The following STAU2 variants were observed in gnomAD, a reference collection of about 807,000 sequenced individuals.
STAU2 encodes double-stranded RNA-binding protein Staufen homolog 2.
In STAU2, 20 loss-of-function variants were observed where a neutral mutation model predicts 65.9. That is an observed-to-expected ratio of 0.30 (90% CI 0.21 to 0.44). The LOEUF (loss-of-function observed/expected upper bound fraction) is 0.44, where lower values mean the gene tolerates loss of function less well. Among genes scored for constraint, STAU2 ranks in the 20% least tolerant of loss-of-function variants. The pLI is 1.00. For missense variants in STAU2, 558 were observed against 683.9 expected (o/e 0.82, Z 2.05); for synonymous variants, 232 against 233.9 (o/e 0.99, Z 0.07).
At chr8:73,734,899 G>A (rs947909308) in intron 3 of STAU2, among the ~76,000 whole-genome samples, 15 of 152,022 alleles carry the variant, frequency 9.9e-5, no homozygotes, top group South Asian at 2.1e-4. Context: ...TGAAAATCAC[G>A]TAGTAAAAAT....
intron 12 of STAU2, among the ~76,000 whole-genome samples, chr8:73,565,822 T>C (rs930548466): frequency 7.9e-5 from 12 of 152,242 alleles, no homozygotes; most frequent in Non-Finnish European, 1.5e-4. Flanking sequence ...ACCACAAATA[T>C]GTTGTGAGAA....
intron 12 of STAU2, among the ~76,000 whole-genome samples, chr8:73,577,181 C>A (rs1809623986): frequency 1.3e-5 from 2 of 152,112 alleles, no homozygotes. Flanking sequence ...GTAATCCCAG[C>A]ACTTTGGGAG....
At chr8:73,503,707 A>G (rs2128921077) in intron 13 of STAU2, among the ~76,000 whole-genome samples, 1 of 152,244 alleles carries the variant, frequency 6.6e-6, no homozygotes, top group Middle Eastern at 3.4e-3. Flanking sequence ...AGAATATTAA[A>G]TAATTAAACA....
At chr8:73,554,874 T>C (rs942018002) in intron 12 of STAU2, among the ~76,000 whole-genome samples, 25 of 152,200 alleles carry the variant, frequency 1.6e-4, no homozygotes, top group African/African-American at 5.5e-4. Flanking sequence ...AAATATTTCA[T>C]GAAGATCCCA....
intron 13 of STAU2, among the ~76,000 whole-genome samples, chr8:73,451,868 G>A (rs1818818858): frequency 6.6e-6 from 1 of 152,164 alleles, no homozygotes; most frequent in Non-Finnish European, 1.5e-5. Context: ...TATTTCAAAG[G>A]GACACAAAAA....
In STAU2 at chr8:73,722,053, ACT is replaced by A. The variant is rs542157724; in HGVS notation, c.-17-12893_-17-12892del. On this transcript the variant is annotated intron_variant, in intron 3 of 14. Transcript: ENST00000524300. ...CCTTTTTATTGGCTTATTAGTTGTA[ACT>A]CTCTATTTTGCTATTTTAGGGGCTA... is the stretch of plus-strand genomic sequence containing the variant. Among the ~76,000 whole-genome samples, 142 of 152,006 alleles carry A rather than the reference ACT, an allele frequency of 9.3e-4. 1 individual carries two copies. Among genetic ancestry groups the A allele is most frequent in the Non-Finnish European group, 1.8e-3 (120 of 67,956 alleles).
At chr8:73,432,902 G>C (rs1484802488) in intron 13 of STAU2, among the ~76,000 whole-genome samples, 1 of 152,188 alleles carries the variant, frequency 6.6e-6, no homozygotes, top group Non-Finnish European at 1.5e-5. Context: ...ATTTTAGACA[G>C]TTGCCTAAGA....
At chr8:73,638,066 A>AATACAT (rs1429446124) in intron 6 of STAU2, among the ~76,000 whole-genome samples, 2 of 152,132 alleles carry the variant, frequency 1.3e-5, no homozygotes, top group Non-Finnish European at 2.9e-5. Flanking sequence ...TCTTAAAGTA[A>AATACAT]ATACATATAC....
chr8:73,543,144 C>T (rs1806659900), intron 13 of STAU2, among the ~76,000 whole-genome samples: 1 of 152,116 alleles, frequency 6.6e-6, no homozygotes, highest in Non-Finnish European at 1.5e-5. Context: ...TCAAAATATA[C>T]TGAGTGAAAG....
chr8:73,639,418 C>A (rs28588475), intron 6 of STAU2, among the ~76,000 whole-genome samples: 1 of 151,676 alleles, frequency 6.6e-6, no homozygotes, highest in African/African-American at 2.4e-5. Flanking sequence ...ATTACCAAAA[C>A]ATCTGGGAGA....
intron 3 of STAU2, among the ~76,000 whole-genome samples, chr8:73,718,546 T>G (rs538905575): frequency 6.6e-6 from 1 of 152,326 alleles, no homozygotes; most frequent in East Asian, 1.9e-4. Flanking sequence ...ACATGTGCAC[T>G]GGGTGATTCA....
chr8:73,538,487 T>G (rs1231004753), intron 13 of STAU2, among the ~76,000 whole-genome samples: 1 of 151,952 alleles, frequency 6.6e-6, no homozygotes, highest in Non-Finnish European at 1.5e-5. Context: ...AAGAAGGGAA[T>G]CTGTGGGGAC....
intron 12 of STAU2, among the ~76,000 whole-genome samples, chr8:73,582,102 T>C (rs895535097): frequency 5.9e-5 from 9 of 152,144 alleles, no homozygotes; most frequent in Non-Finnish European, 1.3e-4. Flanking sequence ...TGTCTAAACG[T>C]CCAATGTAAA....
chr8:73,535,326 C>A (rs978043907), intron 13 of STAU2, among the ~76,000 whole-genome samples: 11 of 152,126 alleles, frequency 7.2e-5, no homozygotes, highest in South Asian at 2.1e-4. Flanking sequence ...CCCACCACCA[C>A]GCCTGGCTAA....
intron 9 of STAU2, among the ~76,000 whole-genome samples, chr8:73,611,016 A>G (rs1554549795): frequency 1.3e-5 from 2 of 152,222 alleles, no homozygotes; most frequent in Non-Finnish European, 2.9e-5. Context: ...TGATTAAGTG[A>G]TCAAATGAGA....
intron 13 of STAU2, among the ~76,000 whole-genome samples, chr8:73,533,294 A>C (rs1225932366): frequency 6.6e-6 from 1 of 152,246 alleles, no homozygotes; most frequent in Non-Finnish European, 1.5e-5. Flanking sequence ...AATTTACAAA[A>C]ACTATTCCAC....
At chr8:73,636,954 T>C (rs554963761) in intron 6 of STAU2, among the ~76,000 whole-genome samples, 2 of 150,802 alleles carry the variant, frequency 1.3e-5, no homozygotes, top group Non-Finnish European at 2.9e-5. Flanking sequence ...GTATGGAGAA[T>C]TTCAGCAGAG....
chr8:73,468,178 C>A lies in STAU2; in HGVS notation c.1531-45476G>T, dbSNP rs1389270848. Among the ~76,000 whole-genome samples the A allele has an allele frequency of 2.6e-5, 4 of 152,182 alleles. No homozygotes were observed. The East Asian group carries it at 7.7e-4, about 29-fold the overall frequency. Reference sequence around the variant, plus strand: ...CACATCTATACTATCTGATCTTTGACAAACCTGACAAAAACAAGAAATGGG... The same window carrying A: ...CACATCTATACTATCTGATCTTTGAAAAACCTGACAAAAACAAGAAATGGG... On this transcript the variant is annotated intron_variant, in intron 13 of 14. Transcript: ENST00000524300.
intron 13 of STAU2, among the ~76,000 whole-genome samples, chr8:73,449,513 G>A (rs1217694313): frequency 6.6e-6 from 1 of 152,180 alleles, no homozygotes; most frequent in Non-Finnish European, 1.5e-5. Context: ...GGGCTTCAAC[G>A]GATGAATTAC....
Sources: allele counts gnomAD v4.1 joint callset (sites outside exome capture counted in the v4.1 genomes callset), GRCh38; gene constraint gnomAD v4.1.1; transcripts MANE v1.5; gene names NCBI Gene and HGNC (gene_info 2026-07-23, HGNC 2026-07-21).